The following EPB41L4A variants were observed in gnomAD, a reference collection of about 807,000 sequenced individuals.
EPB41L4A encodes the protein band 4.1-like protein 4A.
EPB41L4A carries 100 observed loss-of-function variants against 108.6 expected under a neutral mutation model. The ratio of observed to expected loss-of-function variants is 0.92; its 90% CI spans 0.78 to 1.09. The LOEUF (loss-of-function observed/expected upper bound fraction) is 1.09, where lower values mean the gene tolerates loss of function less well. EPB41L4A is among the 50% of genes least tolerant of loss of function. EPB41L4A has a pLI of 0.00. For missense variants in EPB41L4A, 1,030 were observed against 842.7 expected (o/e 1.22, Z -2.75); for synonymous variants, 319 against 289.0 (o/e 1.10, Z -1.05).
At chr5:112,216,587 A>G (rs1747661011) in intron 12 of EPB41L4A, among the ~76,000 whole-genome samples, 1 of 152,202 alleles carries the variant, frequency 6.6e-6, no homozygotes, top group African/African-American at 2.4e-5. Context: ...CTACTTAACA[A>G]TCACATTTTC....
intron 1 of EPB41L4A, among the ~76,000 whole-genome samples, chr5:112,380,897 C>T (rs1760135585): frequency 6.6e-6 from 1 of 151,902 alleles, no homozygotes; most frequent in Non-Finnish European, 1.5e-5. Flanking sequence ...ATTTAGAAAC[C>T]ATCCCCCACC....
chr5:112,170,830 C>T, intron 19 of EPB41L4A, 115 bp downstream of exon 19: 1 of 872,958 alleles, frequency 1.1e-6, no homozygotes, highest in African/African-American at 1.7e-5. Flanking sequence ...CACACAGTGG[C>T]AATGGCTTTG....
intron 9 of EPB41L4A, among the ~76,000 whole-genome samples, chr5:112,245,095 AAAGTG>A (rs1750110375): frequency 6.6e-6 from 1 of 151,514 alleles, no homozygotes; most frequent in South Asian, 2.1e-4. Flanking sequence ...AAAGCACAAT[AAAGTG>A]AAGTGCAAAA....
chr5:112,417,157 C>G (rs1762766220), intron 1 of EPB41L4A, among the ~76,000 whole-genome samples: 1 of 152,152 alleles, frequency 6.6e-6, no homozygotes, highest in Admixed American at 6.6e-5. Context: ...AATTTTCAGC[C>G]CATTTGTAAA....
chr5:112,257,565 C>G (rs566564939), intron 9 of EPB41L4A, among the ~76,000 whole-genome samples: 1 of 152,208 alleles, frequency 6.6e-6, no homozygotes, highest in African/African-American at 2.4e-5. Context: ...ATCATGAAGT[C>G]CAAGAAGATG....
intron 1 of EPB41L4A, among the ~76,000 whole-genome samples, chr5:112,404,014 T>C (rs1477307240): frequency 1.3e-5 from 2 of 152,326 alleles, no homozygotes; most frequent in African/African-American, 4.8e-5. Context: ...TAAGCTCTGT[T>C]CCATGCAATA....
At position 112,401,772 on chromosome 5, in the gene EPB41L4A, G is replaced by C. The variant is rs115747288; in HGVS notation, c.99+17169C>G. On this transcript the variant is annotated intron_variant, in intron 1 of 22. Transcript: ENST00000261486. ...CCATGGAGACGAGATTAGACAAAAA[G>C]AGAGCCAATGACAGGTGCATGCAGT... Among the ~76,000 whole-genome samples, 651 of 152,312 alleles carry C rather than the reference G, an allele frequency of 4.3e-3. 3 individuals carry two copies. The highest frequency in any genetic ancestry group is 0.014 in the African/African-American group (595 of 41,566).
chr5:112,383,095 G>T (rs1465925562), intron 1 of EPB41L4A, among the ~76,000 whole-genome samples: 1 of 152,120 alleles, frequency 6.6e-6, no homozygotes, highest in African/African-American at 2.4e-5. Flanking sequence ...GCATGTGAAG[G>T]GTTAGATGAA....
chr5:112,324,268 T>C (rs1561572119), intron 1 of EPB41L4A, among the ~76,000 whole-genome samples: 1 of 152,232 alleles, frequency 6.6e-6, no homozygotes, highest in Non-Finnish European at 1.5e-5. Flanking sequence ...TTTTTAATTT[T>C]TGTAATCAAT....
At chr5:112,173,950 G>C (rs1003930273) in intron 18 of EPB41L4A, among the ~76,000 whole-genome samples, 6 of 152,048 alleles carry the variant, frequency 3.9e-5, no homozygotes, top group Non-Finnish European at 7.4e-5. Flanking sequence ...CCTGAGAAAT[G>C]TTATCTTAAT....
intron 1 of EPB41L4A, among the ~76,000 whole-genome samples, chr5:112,336,540 C>G: frequency 6.6e-6 from 1 of 152,166 alleles, no homozygotes; most frequent in Non-Finnish European, 1.5e-5. Context: ...GAGCTGTTCG[C>G]CAAATACTTC....
chr5:112,338,615 A>C (rs2150688971), intron 1 of EPB41L4A, among the ~76,000 whole-genome samples: 1 of 152,230 alleles, frequency 6.6e-6, no homozygotes, highest in South Asian at 2.1e-4. Context: ...GCCACCACAC[A>C]CAAAAAGATA....
rs1258427480 is a variant in EPB41L4A at position 112,385,073 on chromosome 5, C to T, written c.99+33868G>A. On this transcript the variant is annotated intron_variant, in intron 1 of 22. Coordinates refer to ENST00000261486, the MANE Select transcript of EPB41L4A (RefSeq NM_022140.5). Reference sequence around the variant, plus strand: ...AGCTTTATCTTTTTTAAGGAGCAGGCGAAGCCCTTGCCAGCAGAAGCCTCC... The same window carrying T: ...AGCTTTATCTTTTTTAAGGAGCAGGTGAAGCCCTTGCCAGCAGAAGCCTCC... Among the ~76,000 whole-genome samples the T allele has an allele frequency of 5.3e-5, 8 of 152,202 alleles. No homozygotes were observed. In the East Asian group the frequency reaches 7.8e-4, roughly 15 times the overall value.
intron 9 of EPB41L4A, among the ~76,000 whole-genome samples, chr5:112,249,875 G>A (rs1317118194): frequency 6.6e-6 from 1 of 152,134 alleles, no homozygotes; most frequent in African/African-American, 2.4e-5. Flanking sequence ...TATGTACTGT[G>A]AATCTCCAAG....
At chr5:112,260,023 A>C in intron 7 of EPB41L4A, 44 bp from the exon 8 acceptor site, 3 of 1,354,788 alleles carry the variant, frequency 2.2e-6, no homozygotes, top group Non-Finnish European at 3.2e-6. Context: ...TTCACATAAA[A>C]TCTCTTTGTC....
At chr5:112,362,282 G>GTT (rs34273954) in intron 1 of EPB41L4A, among the ~76,000 whole-genome samples, 9,946 of 134,618 alleles carry the variant, frequency 0.074, 538 homozygotes, top group Middle Eastern at 0.12. Context: ...GAGCATTAAT[G>GTT]TTTTTTTTTT....
At chr5:112,415,485 T>G (rs1464816187) in intron 1 of EPB41L4A, among the ~76,000 whole-genome samples, 1 of 152,228 alleles carries the variant, frequency 6.6e-6, no homozygotes, top group African/African-American at 2.4e-5. Context: ...ATCTATTTCA[T>G]ATTTGTAGCA....
intron 1 of EPB41L4A, among the ~76,000 whole-genome samples, chr5:112,372,668 G>C (rs961671242): frequency 6.6e-6 from 1 of 152,160 alleles, no homozygotes; most frequent in Non-Finnish European, 1.5e-5. Flanking sequence ...GAAAGAACCA[G>C]ATAATACCTT....
intron 1 of EPB41L4A, among the ~76,000 whole-genome samples, chr5:112,370,191 ATT>A (rs77297021): frequency 4.8e-4 from 66 of 136,844 alleles, no homozygotes; most frequent in Non-Finnish European, 5.8e-4. Context: ...AGCCTGTCTA[ATT>A]TTTTTTTTTT....
Sources: gnomAD v4.1 joint callset for allele counts (sites outside exome capture counted in the v4.1 genomes callset) on GRCh38, gnomAD v4.1.1 for gene constraint, MANE v1.5 for transcripts, NCBI Gene and HGNC (gene_info 2026-07-23, HGNC 2026-07-21) for gene names.